Variants in GPR137 observed in about 807,000 individuals in gnomAD.
The protein encoded by GPR137 is integral membrane protein GPR137.
A neutral mutation model predicts 38.9 loss-of-function variants in GPR137; 20 were observed. The ratio of observed to expected loss-of-function variants is 0.51; its 90% CI spans 0.36 to 0.75. The LOEUF is 0.75. GPR137 is among the 30% of genes least tolerant of loss of function. GPR137 has a pLI of 0.00. For missense variants in GPR137, 456 were observed against 526.4 expected (o/e 0.87, Z 1.31); for synonymous variants, 226 against 235.8 (o/e 0.96, Z 0.38).
At chr11:64,284,614 C>G, upstream of GPR137, 13 of 1,504,664 alleles carry the variant, frequency 8.6e-6, no homozygotes, top group Non-Finnish European at 1.2e-5. Flanking sequence ...CCCGTGGTGA[C>G]GGCGCACAGG....
intron 2 of GPR137, among the ~76,000 whole-genome samples, chr11:64,279,211 T>A (rs1437071196): frequency 6.6e-6 from 1 of 152,054 alleles, no homozygotes; most frequent in Non-Finnish European, 1.5e-5. Context: ...AATAACTCCA[T>A]CCCAAGCTTC....
chr11:64,280,913 C>CT (rs934469676), upstream of GPR137, among the ~76,000 whole-genome samples: 5 of 151,662 alleles, frequency 3.3e-5, no homozygotes, highest in African/African-American at 1.2e-4. Context: ...AGTGATCTGC[C>CT]TGCCTCAGCC....
At chr11:64,270,577 G>A (rs2032431386) in exon 1 of GPR137, 2 of 703,578 alleles carry the variant, frequency 2.8e-6, no homozygotes, top group Non-Finnish European at 5.1e-6. Flanking sequence ...GGATGCCTAG[G>A]GCCCTAAATG....
At position 64,288,752 on chromosome 11, in the gene GPR137, T is replaced by TTG; in HGVS notation, c.1031+31_1031+32insTG. 2.7e-6 allele frequency: 4 copies of TTG among 1,475,174 alleles called. No homozygotes were observed. The highest frequency in any genetic ancestry group is 2.7e-6 in the Non-Finnish European group (3 of 1,100,006). 91.4% of individuals were successfully genotyped at this position (1,475,174 alleles called of 1,614,324 possible). A position where few individuals can be genotyped will look rare whatever the true frequency, so the allele number is the denominator to read the frequency against. On this transcript the variant is annotated intron_variant, in intron 6 of 6. Transcript: ENST00000438980. This position sits in a 1 kb window ranked among gnomAD's most constrained non-coding sequence, Gnocchi z 5.5. ...AGCCGTGGCACTGCCTCAGTACCCCTGCCCTACCCGCCCACCCCGCTGGCT... is the reference window on the plus strand; with the variant it reads ...AGCCGTGGCACTGCCTCAGTACCCCTTGGCCCTACCCGCCCACCCCGCTGGCT...
chr11:64,287,775 C>T lies in GPR137; in HGVS notation c.462C>T (p.Asn154=), dbSNP rs200304561. ...VGASLLFLLV[N]VLCAVLSHRR... is the part of the protein sequence containing the mutation. Reference sequence around the variant, plus strand: ...CCTCGCTGCTCTTTCTGCTGGTGAACGTGCTGTGTGCTGTGCTCTCCCATC... The same window carrying T: ...CCTCGCTGCTCTTTCTGCTGGTGAATGTGCTGTGTGCTGTGCTCTCCCATC... Residue 154 remains asparagine (N), a synonymous_variant, in exon 3 of 7, where the codon AAC becomes AAT. Transcript: ENST00000438980. The T allele has an allele frequency of 1.8e-4, 293 of 1,607,202 alleles. No individual in the cohort carries two copies. The highest frequency in any genetic ancestry group is 2.3e-4 in the Non-Finnish European group (273 of 1,179,934).
upstream of GPR137, among the ~76,000 whole-genome samples, chr11:64,272,339 A>G (rs2032698500): frequency 6.6e-6 from 1 of 151,666 alleles, no homozygotes; most frequent in Non-Finnish European, 1.5e-5. Flanking sequence ...AAAAGCAAGA[A>G]GTATTATTAG....
upstream of GPR137, among the ~76,000 whole-genome samples, chr11:64,283,592 C>A (rs1209456619): frequency 2.0e-5 from 3 of 152,136 alleles, no homozygotes; most frequent in East Asian, 3.9e-4. Context: ...AGCCACAGGG[C>A]AAGAAAGAAC....
At chr11:64,284,354 T>C, upstream of GPR137, 2 of 1,612,944 alleles carry the variant, frequency 1.2e-6, no homozygotes, top group Non-Finnish European at 1.7e-6. Flanking sequence ...GCTCAAACTC[T>C]GGGATCTGGA....
chr11:64,273,766 C>T (rs1242818953), upstream of GPR137, among the ~76,000 whole-genome samples: 1 of 147,804 alleles, frequency 6.8e-6, no homozygotes, highest in Non-Finnish European at 1.5e-5. Flanking sequence ...CCTGTAATCC[C>T]AGCTACTCGG....
upstream of GPR137, among the ~76,000 whole-genome samples, chr11:64,282,881 GAAAAAAAAAAAAAA>G (rs541902877): frequency 1.1e-5 from 1 of 88,060 alleles, no homozygotes; most frequent in East Asian, 3.4e-4. Flanking sequence ...TCCGTCTCAG[GAAAAAAAAAAAAAA>G]AAAAAGAAAA....
intron 2 of GPR137, among the ~76,000 whole-genome samples, chr11:64,278,513 A>C (rs990571392): frequency 6.6e-6 from 1 of 152,060 alleles, no homozygotes; most frequent in African/African-American, 2.4e-5. Flanking sequence ...TTAACTCATC[A>C]GGTCCTCGCC....
At chr11:64,271,398 C>G (rs1265136028), upstream of GPR137, among the ~76,000 whole-genome samples, 1 of 150,902 alleles carries the variant, frequency 6.6e-6, no homozygotes, top group African/African-American at 2.4e-5. Context: ...CACACACACA[C>G]ACACACACCA....
At chr11:64,284,874 C>T (rs2033779626), upstream of GPR137, 1 of 1,480,612 alleles carries the variant, frequency 6.8e-7, no homozygotes, top group South Asian at 1.3e-5. Context: ...CTCACATCCT[C>T]GCTGCCTCAC....
chr11:64,288,508 G>A lies in GPR137; in HGVS notation c.912+40G>A. On this transcript the variant is annotated intron_variant, in intron 5 of 6. Coordinates refer to ENST00000438980, the MANE Select transcript of GPR137 (RefSeq NM_001170880.2). This position sits in a 1 kb window ranked among gnomAD's most constrained non-coding sequence, Gnocchi z 5.5. ...CCTCTTCTGTGGGGCCAGTGGAGGG[G>A]GCGGATGTTGCAAATCCTGGGTTGG... 1.9e-6 allele frequency: 3 copies of A among 1,613,006 alleles called. No homozygotes were observed. Among genetic ancestry groups the A allele is most frequent in the Non-Finnish European group, 2.5e-6 (3 of 1,179,848 alleles).
At chr11:64,283,445 AG>A (rs2033618070), upstream of GPR137, among the ~76,000 whole-genome samples, 1 of 152,230 alleles carries the variant, frequency 6.6e-6, no homozygotes, top group South Asian at 2.1e-4. Context: ...AAATGGACAT[AG>A]AACCCCAGTG....
exon 1 of GPR137, chr11:64,270,654 G>T: frequency 1.7e-6 from 1 of 590,624 alleles, no homozygotes; most frequent in South Asian, 1.5e-5. Context: ...AAAGGGCCGG[G>T]AGCGATGGTG....
At chr11:64,271,758 G>T, upstream of GPR137, 2 of 1,428,958 alleles carry the variant, frequency 1.4e-6, no homozygotes, top group South Asian at 1.6e-5. Flanking sequence ...CTCCGTCCCC[G>T]CGGGGTAGGA....
At chr11:64,287,990 G>A (rs772344931) in intron 3 of GPR137, 44 bp downstream of exon 3, 4 of 1,601,818 alleles carry the variant, frequency 2.5e-6, no homozygotes, top group Admixed American at 1.7e-5. Context: ...TGGGTCTCTC[G>A]GCAGCGGTTC....
chr11:64,276,298 T>TTGTGTGTGTATATA (rs55795317), intron 1 of GPR137: 1 of 146,110 alleles, frequency 6.8e-6, no homozygotes, highest in Admixed American at 6.8e-5. Context: ...GTGTATATAT[T>TTGTGTGTGTATATA]TGTGTGTGTG....
Sources: allele counts gnomAD v4.1 joint callset (sites outside exome capture counted in the v4.1 genomes callset), GRCh38; gene constraint gnomAD v4.1.1; non-coding constraint Gnocchi (gnomAD v3.1); transcripts MANE v1.5; gene names NCBI Gene and HGNC (gene_info 2026-07-23, HGNC 2026-07-21).